RPTOR: variants seen among roughly 807,000 people sequenced by gnomAD.
The protein encoded by RPTOR is regulatory-associated protein of mTOR.
A neutral mutation model predicts 169.9 loss-of-function variants in RPTOR; 21 were observed. The observed-to-expected ratio is 0.12, with a 90% CI of 0.09 to 0.18. The LOEUF (loss-of-function observed/expected upper bound fraction) is 0.18, where lower values mean the gene tolerates loss of function less well. Among genes scored for constraint, RPTOR ranks in the 10% least tolerant of loss-of-function variants. The pLI is 1.00. For missense variants in RPTOR, 1,133 were observed against 1,855.9 expected (o/e 0.61, Z 7.16); for synonymous variants, 732 against 753.2 (o/e 0.97, Z 0.46).
intron 1 of RPTOR, among the ~76,000 whole-genome samples, chr17:80,585,014 G>C (rs564165863): frequency 1.0e-3 from 157 of 152,158 alleles, no homozygotes; most frequent in African/African-American, 3.7e-3. Context: ...CCCCAACTCT[G>C]TTACACTTTT....
At chr17:80,793,945 C>T (rs1051963666) in intron 7 of RPTOR, among the ~76,000 whole-genome samples, 1 of 152,176 alleles carries the variant, frequency 6.6e-6, no homozygotes, top group Non-Finnish European at 1.5e-5. Context: ...GCCCCACTGT[C>T]GTCTGCCCAA....
rs1432948414 is a variant in RPTOR, at chr17:80,721,075, G to T, written c.508-9485G>T. On this transcript the variant is annotated intron_variant, in intron 4 of 33. Coordinates refer to ENST00000306801, the MANE Select transcript of RPTOR (RefSeq NM_020761.3). The surrounding 1 kb of genome is among the most constrained non-coding windows in gnomAD (Gnocchi z 4.7). ...AGGCCTCGTGGGAGGCACCTAGGAG[G>T]TGAGGAGGGGCTACGTCTGCCGGGT... 6.6e-6 allele frequency among the ~76,000 whole-genome samples: 1 copy of T among 151,070 alleles called. No homozygotes were observed. Among genetic ancestry groups the T allele is most frequent in the Non-Finnish European group, 1.5e-5 (1 of 68,032 alleles).
chr17:80,550,741 T>A (rs1367080470), intron 1 of RPTOR, among the ~76,000 whole-genome samples: 1 of 152,190 alleles, frequency 6.6e-6, no homozygotes, highest in Non-Finnish European at 1.5e-5. Context: ...AAGCATGTCT[T>A]ACATTGGCCT....
intron 1 of RPTOR, among the ~76,000 whole-genome samples, chr17:80,623,782 C>T (rs1276416720): frequency 6.6e-6 from 1 of 152,140 alleles, no homozygotes; most frequent in Non-Finnish European, 1.5e-5. Flanking sequence ...GTGATCTGCC[C>T]GCCTTGGCCT....
chr17:80,617,987 C>CTTTTTTTTTTTTTTTTTTTTTTT (rs1197342364), intron 1 of RPTOR, among the ~76,000 whole-genome samples: 5 of 146,452 alleles, frequency 3.4e-5, no homozygotes, highest in African/African-American at 1.3e-4. Context: ...ATAGTTACAA[C>CTTTTTTTTTTTTTTTTTTTTTTT]TTTTTTTTTT....
rs890761262 is a variant in RPTOR, at chr17:80,625,904, A to G, written c.265+111A>G. On this transcript the variant is annotated intron_variant, in intron 2 of 33. Transcript: ENST00000306801. ...CCAGGGGCCCGTCTCCAGCTGTGCAAATCTGAGGGGTTTTTCTTTCTGGAG... is the reference window on the plus strand; with the variant it reads ...CCAGGGGCCCGTCTCCAGCTGTGCAGATCTGAGGGGTTTTTCTTTCTGGAG... The G allele has an allele frequency of 2.5e-5, 18 of 720,048 alleles. No individual in the cohort carries two copies. In the Admixed American group the frequency reaches 3.5e-4, roughly 14 times the overall value. The allele number at this position is 720,048 out of a possible 1,614,324, so 44.6% of individuals were successfully genotyped here.
chr17:80,784,819 C>G (rs1412993486), intron 6 of RPTOR, among the ~76,000 whole-genome samples: 2 of 152,162 alleles, frequency 1.3e-5, no homozygotes, highest in African/African-American at 4.8e-5. Flanking sequence ...CTGCCTCAGC[C>G]TCCTGAGTAG....
At chr17:80,855,065 G>A (rs2067837654) in intron 11 of RPTOR, among the ~76,000 whole-genome samples, 1 of 152,228 alleles carries the variant, frequency 6.6e-6, no homozygotes, top group Non-Finnish European at 1.5e-5. Flanking sequence ...AATGTTCACA[G>A]TGCATTGTTT....
rs1019319259 is a variant in RPTOR, at chr17:80,964,548, G to A, written c.*218G>A. ...GAAGGGGAGGGCTCGGGTTGACGGTGGCTTCCCACTGAGCACCAGCATCCA... is the reference window on the plus strand; with the variant it reads ...GAAGGGGAGGGCTCGGGTTGACGGTAGCTTCCCACTGAGCACCAGCATCCA... On this transcript the variant is annotated 3_prime_UTR_variant, in exon 34 of 34. Coordinates refer to ENST00000306801, the MANE Select transcript of RPTOR (RefSeq NM_020761.3). The A allele has an allele frequency of 8.5e-6, 5 of 589,276 alleles. No individual in the cohort carries two copies. Among genetic ancestry groups the A allele is most frequent in the Non-Finnish European group, 1.5e-5 (5 of 328,724 alleles). 36.5% of individuals were successfully genotyped at this position (589,276 alleles called of 1,614,324 possible).
At chr17:80,921,180 G>A (rs1022407684) in intron 21 of RPTOR, among the ~76,000 whole-genome samples, 5 of 152,262 alleles carry the variant, frequency 3.3e-5, no homozygotes, top group Admixed American at 1.3e-4. Flanking sequence ...ATAATTAAAA[G>A]CATGAGACAT....
Position 80,799,402 on chromosome 17 carries a change from C to T in RPTOR, c.890+7893C>T, listed in dbSNP as rs973230458. 3.3e-5 allele frequency among the ~76,000 whole-genome samples: 5 copies of T among 152,146 alleles called. No individual in the cohort carries two copies. The South Asian group carries it at 6.2e-4, about 19-fold the overall frequency. On this transcript the variant is annotated intron_variant, in intron 7 of 33. Transcript: ENST00000306801. ...GATGTCAGGGAGTCTGCAGTACCTGCGCATACACTAGCTGGGGCTGGACTT... is the reference window on the plus strand; with the variant it reads ...GATGTCAGGGAGTCTGCAGTACCTGTGCATACACTAGCTGGGGCTGGACTT...
intron 1 of RPTOR, among the ~76,000 whole-genome samples, chr17:80,576,279 T>G (rs140325986): frequency 6.6e-6 from 1 of 152,340 alleles, no homozygotes; most frequent in African/African-American, 2.4e-5. Flanking sequence ...TTTTTATAGA[T>G]TGAAAATATT....
At chr17:80,905,611 AAGTT>A (rs1455629456) in intron 20 of RPTOR, among the ~76,000 whole-genome samples, 1 of 151,588 alleles carries the variant, frequency 6.6e-6, no homozygotes, top group African/African-American at 2.4e-5. Context: ...AAAAAAAAAA[AAGTT>A]AGATGAAAGT....
chr17:80,802,263 C>T (rs922658763), intron 7 of RPTOR: 4 of 152,284 alleles, frequency 2.6e-5, no homozygotes, highest in African/African-American at 7.2e-5. Flanking sequence ...GTGGCATTCG[C>T]TCCACCTCCT....
intron 21 of RPTOR, among the ~76,000 whole-genome samples, chr17:80,914,343 C>G (rs759333279): frequency 3.6e-4 from 55 of 152,184 alleles, no homozygotes; most frequent in Non-Finnish European, 7.2e-4. Flanking sequence ...TCTTGGGGGC[C>G]GGGAGCAGGC....
rs746785270 is a variant in RPTOR, at chr17:80,837,812, C to T, written c.1137-110C>T. On this transcript the variant is annotated intron_variant, in intron 9 of 33. Coordinates refer to ENST00000306801, the MANE Select transcript of RPTOR (RefSeq NM_020761.3). ...CCCCCACCAGCTGCCGTGGCCTCCGCCCAGACCCTTGCTGCCCAGGCTCAG... is the reference window on the plus strand; with the variant it reads ...CCCCCACCAGCTGCCGTGGCCTCCGTCCAGACCCTTGCTGCCCAGGCTCAG... The T allele has an allele frequency of 4.0e-4, 419 of 1,041,754 alleles. 1 individual carries two copies. The highest frequency in any genetic ancestry group is 5.6e-4 in the Non-Finnish European group (386 of 684,638). 64.5% of individuals were successfully genotyped at this position (1,041,754 alleles called of 1,614,324 possible).
intron 3 of RPTOR, among the ~76,000 whole-genome samples, chr17:80,701,426 G>A (rs1390664537): frequency 6.6e-6 from 1 of 152,152 alleles, no homozygotes; most frequent in Non-Finnish European, 1.5e-5. Context: ...CACCCTTAAG[G>A]GTGAGGGTAA....
rs559681045 is a variant in RPTOR at position 80,648,813 on chromosome 17, AG to A, written c.348+5008del. On this transcript the variant is annotated intron_variant, in intron 3 of 33. Coordinates refer to ENST00000306801, the MANE Select transcript of RPTOR (RefSeq NM_020761.3). ...CACTCCCACAATTCCCACGTGCCAT[AG>A]GGGGAACCCAGTGGGAGGTAATCGA... 2.9e-3 allele frequency among the ~76,000 whole-genome samples: 438 copies of A among 152,154 alleles called. 2 individuals carry two copies. Among genetic ancestry groups the A allele is most frequent in the Admixed American group, 5.5e-3 (84 of 15,288 alleles).
intron 6 of RPTOR, among the ~76,000 whole-genome samples, chr17:80,775,545 C>T (rs1773569243): frequency 6.6e-6 from 1 of 152,198 alleles, no homozygotes; most frequent in Non-Finnish European, 1.5e-5. Context: ...GCCCTGGTTT[C>T]CCACTGATGA....
Sources: allele counts gnomAD v4.1 joint callset (sites outside exome capture counted in the v4.1 genomes callset), GRCh38; gene constraint gnomAD v4.1.1; non-coding constraint Gnocchi (gnomAD v3.1); transcripts MANE v1.5; gene names NCBI Gene and HGNC (gene_info 2026-07-23, HGNC 2026-07-21).